CDK13: variants seen among roughly 807,000 people sequenced by gnomAD.
The protein encoded by CDK13 is cyclin-dependent kinase 13.
CDK13 carries 40 observed loss-of-function variants against 137.6 expected under a neutral mutation model. The observed-to-expected ratio is 0.29, with a 90% CI of 0.23 to 0.38. The LOEUF (loss-of-function observed/expected upper bound fraction) is 0.38, where lower values mean the gene tolerates loss of function less well. Ranked by LOEUF, CDK13 falls within the 10% of genes least tolerant of loss-of-function variation. The pLI, the probability that CDK13 is intolerant of heterozygous loss-of-function variation, is 1.00. For synonymous variants in CDK13, 869 were observed against 760.1 expected (o/e 1.14, Z -2.36); for missense variants, 1,704 against 1,951.8 (o/e 0.87, Z 2.39).
At chr7:40,046,459 C>T (rs1010934995) in intron 6 of CDK13, among the ~76,000 whole-genome samples, 4 of 151,152 alleles carry the variant, frequency 2.6e-5, no homozygotes, top group East Asian at 2.0e-4. Flanking sequence ...GCCTGGCCAA[C>T]GTTGATGAAA....
intron 5 of CDK13, among the ~76,000 whole-genome samples, chr7:40,021,145 A>ACACACACG (rs1164613360): frequency 6.6e-6 from 1 of 151,066 alleles, no homozygotes; most frequent in Non-Finnish European, 1.5e-5. Context: ...ACACACACAC[A>ACACACACG]CACACATAAA....
chr7:40,040,921 AT>A (rs1785591995), intron 5 of CDK13, among the ~76,000 whole-genome samples: 1 of 152,240 alleles, frequency 6.6e-6, no homozygotes, highest in African/African-American at 2.4e-5. Flanking sequence ...TCCTATGTCA[AT>A]TCTTAAATCT....
chr7:40,002,198 T>C (rs1029554374), intron 5 of CDK13, 167 bp downstream of exon 5: 5 of 492,816 alleles, frequency 1.0e-5, no homozygotes, highest in East Asian at 3.4e-5. Context: ...TGATTTACTT[T>C]AGTGGTTTTT....
At chr7:40,067,835 C>G (rs6977290) in intron 9 of CDK13, 6,070 of 152,412 alleles carry the variant, frequency 0.04, 358 homozygotes, top group African/African-American at 0.13. Flanking sequence ...TGGCTCATGC[C>G]TGTAATCCCA....
rs937054016 is a variant in CDK13 at position 39,950,818 on chromosome 7, C to T, written c.177C>T (p.Leu59=). Residue 59 remains leucine, a synonymous_variant, in exon 1 of 14, where the codon CTC becomes CTT. Coordinates refer to ENST00000181839, the MANE Select transcript of CDK13 (RefSeq NM_003718.5). ...LQPPPPPPPL[L]FLAAPGTAAA... The stretch of plus-strand genomic sequence containing the variant: ...CGCCGCCGCCCCCGCCGCCTCTGCT[C>T]TTCCTGGCTGCTCCCGGCACGGCCG... 49 of 1,435,270 alleles carry T rather than the reference C, an allele frequency of 3.4e-5. No individual in the cohort carries two copies. Among genetic ancestry groups the T allele is most frequent in the Middle Eastern group, 2.5e-4 (1 of 4,058 alleles). 88.9% of individuals were successfully genotyped at this position (1,435,270 alleles called of 1,614,324 possible).
intron 1 of CDK13, among the ~76,000 whole-genome samples, chr7:39,958,548 A>C (rs1235540147): frequency 6.6e-6 from 1 of 152,188 alleles, no homozygotes; most frequent in Non-Finnish European, 1.5e-5. Flanking sequence ...TGATTTTTCC[A>C]TAAGCGGGAA....
At position 39,970,777 on chromosome 7, in the gene CDK13, A is replaced by T. The variant is rs118044627; in HGVS notation, c.1212-16822A>T. Among the ~76,000 whole-genome samples, 3 of 152,280 alleles carry T rather than the reference A, an allele frequency of 2.0e-5. No individual in the cohort carries two copies. The East Asian group carries it at 5.8e-4, about 29-fold the overall frequency. ...CGCCTGGCCTGTTGTCATCTGTTTT[A>T]TGTCTGTTTGCATGGTGTATGTGTG... On this transcript the variant is annotated intron_variant, in intron 1 of 13. Coordinates refer to ENST00000181839, the MANE Select transcript of CDK13 (RefSeq NM_003718.5).
intron 5 of CDK13, among the ~76,000 whole-genome samples, chr7:40,036,559 A>C (rs1327511838): frequency 6.6e-6 from 1 of 152,202 alleles, no homozygotes; most frequent in East Asian, 1.9e-4. Context: ...TGACAGCGCG[A>C]GACTCCGTCT....
Position 39,951,459 on chromosome 7 carries a change from A to G in CDK13, c.818A>G (p.Asp273Gly). 6.5e-7 allele frequency: 1 copy of G among 1,538,592 alleles called. No homozygotes were observed. The highest frequency in any genetic ancestry group is 8.7e-7 in the Non-Finnish European group (1 of 1,143,336). Reference sequence around the variant, plus strand: ...TCCAGCAGCAGTAGCAGCCGCAAGGACCGGGACTCGAAGGCCCACCGCAGC... The same window carrying G: ...TCCAGCAGCAGTAGCAGCCGCAAGGGCCGGGACTCGAAGGCCCACCGCAGC... Reference protein sequence around the residue: ...ATSSSSSSRKDRDSKAHRSRT... With the variant: ...ATSSSSSSRKGRDSKAHRSRT... Residue 273 changes from aspartate (D) to glycine (G), a missense_variant, in exon 1 of 14, where the codon GAC becomes GGC. Physicochemically the swap from Asp to Gly is moderately conservative, Grantham distance 94 (BLOSUM62 -1). Around this residue, in one of 5 missense-constraint regions of CDK13, gnomAD observed 1,051 missense variants for 931.0 expected, o/e 1.13. Transcript: ENST00000181839.
At position 39,950,655 on chromosome 7, in the gene CDK13, C is replaced by A. The variant is rs1190966840; in HGVS notation, c.14C>A (p.Ser5Ter). Reference sequence around the variant, plus strand: ...TGGCTCTAGGCGATGCCGAGCAGCTCGGACACGGCGCTGGGGGGAGGCGGG... The same window carrying A: ...TGGCTCTAGGCGATGCCGAGCAGCTAGGACACGGCGCTGGGGGGAGGCGGG... MPSS[S>*]DTALGGGGGL... Residue 5 changes from serine to a stop codon, truncating the protein, a stop_gained, in exon 1 of 14, where the codon TCG (serine) becomes TAG (stop). Transcript: ENST00000181839. LOFTEE classifies it high-confidence loss of function. The A allele has an allele frequency of 7.4e-7, 1 of 1,343,726 alleles. No homozygotes were observed. The highest frequency in any genetic ancestry group is 9.5e-7 in the Non-Finnish European group (1 of 1,050,532). The allele number at this position is 1,343,726 out of a possible 1,614,324, so 83.2% of individuals were successfully genotyped here.
At chr7:40,075,178 C>T (rs961040250) in intron 9 of CDK13, among the ~76,000 whole-genome samples, 2 of 152,092 alleles carry the variant, frequency 1.3e-5, no homozygotes, top group African/African-American at 2.4e-5. Context: ...GATGGAATCA[C>T]GATAGATTCC....
chr7:39,989,257 C>T (rs756996550), intron 2 of CDK13, among the ~76,000 whole-genome samples: 1 of 151,414 alleles, frequency 6.6e-6, no homozygotes, highest in Non-Finnish European at 1.5e-5. Flanking sequence ...TTTTTTGTAT[C>T]CTAGTGTAGA....
chr7:40,053,987 T>C lies in CDK13; in HGVS notation c.2600+6110T>C, dbSNP rs529267387. Among the ~76,000 whole-genome samples, 8 of 152,318 alleles carry C rather than the reference T, an allele frequency of 5.3e-5. No homozygotes were observed. In the South Asian group the frequency reaches 1.7e-3, roughly 32 times the overall value. Reference sequence around the variant, plus strand: ...AATAAGTAGTAGAGCTCAGGATCTTTTGACAGAAAGATTATTTTCATTATA... The same window carrying C: ...AATAAGTAGTAGAGCTCAGGATCTTCTGACAGAAAGATTATTTTCATTATA... On this transcript the variant is annotated intron_variant, in intron 7 of 13. Coordinates refer to ENST00000181839, the MANE Select transcript of CDK13 (RefSeq NM_003718.5).
At chr7:39,984,009 T>A (rs1784283893) in intron 1 of CDK13, 1 of 152,106 alleles carries the variant, frequency 6.6e-6, no homozygotes, top group Non-Finnish European at 1.5e-5. Context: ...AAGAGGGGGG[T>A]AGATGTTGAA....
chr7:40,040,429 T>C (rs1300758947), intron 5 of CDK13, among the ~76,000 whole-genome samples: 1 of 152,244 alleles, frequency 6.6e-6, no homozygotes, highest in Non-Finnish European at 1.5e-5. Flanking sequence ...GATGGAAATG[T>C]ATACTGGTTT....
intron 5 of CDK13, among the ~76,000 whole-genome samples, chr7:40,009,792 G>A (rs78790452): frequency 0.017 from 2,599 of 152,234 alleles, 71 homozygotes; most frequent in African/African-American, 0.06. Context: ...CCTGATAAAG[G>A]ACATCTTATG....
intron 5 of CDK13, among the ~76,000 whole-genome samples, chr7:40,012,935 C>T (rs901255310): frequency 6.7e-6 from 1 of 149,876 alleles, no homozygotes; most frequent in Admixed American, 6.7e-5. Context: ...AAAAGGGAAA[C>T]AGCATTTCCA....
chr7:39,964,531 C>G (rs916838097), intron 1 of CDK13, among the ~76,000 whole-genome samples: 17 of 151,064 alleles, frequency 1.1e-4, no homozygotes, highest in African/African-American at 4.1e-4. Flanking sequence ...ATTAGTCTTG[C>G]TAGCGGTCTG....
At position 40,096,710 on chromosome 7, in the gene CDK13, G is replaced by C. The variant is rs546797663; in HGVS notation, c.*1730G>C. On this transcript the variant is annotated 3_prime_UTR_variant, in exon 14 of 14. Transcript: ENST00000181839. ...AAAACAGTATGTGGGAAGTCCTGTA[G>C]TTTGATAAGAGTAAAATTATTTTAA... The C allele has an allele frequency of 3.9e-5, 6 of 152,122 alleles. No homozygotes were observed. In the South Asian group the frequency reaches 1.2e-3, roughly 32 times the overall value. The allele number at this position is 152,122 out of a possible 1,614,324, so 9.4% of individuals were successfully genotyped here. A position where few individuals can be genotyped will look rare whatever the true frequency, so the allele number is the denominator to read the frequency against.
Sources: allele counts gnomAD v4.1 joint callset (sites outside exome capture counted in the v4.1 genomes callset), GRCh38; gene constraint gnomAD v4.1.1; regional missense constraint gnomAD v4.1.1; transcripts MANE v1.5; gene names NCBI Gene and HGNC (gene_info 2026-07-23, HGNC 2026-07-21).